IFT81: variants seen among roughly 807,000 people sequenced by gnomAD.
IFT81 encodes intraflagellar transport 81, also known as intraflagellar transport protein 81 homolog.
Under a neutral mutation model 102.6 loss-of-function variants are expected in IFT81, and 72 were observed. That is an observed-to-expected ratio of 0.70 (90% CI 0.58 to 0.85). IFT81 has a LOEUF of 0.85. IFT81 is among the 40% of genes least tolerant of loss of function. IFT81 has a pLI of 0.00. For synonymous variants in IFT81, 237 were observed against 242.7 expected (o/e 0.98, Z 0.22); for missense variants, 723 against 787.3 (o/e 0.92, Z 0.98).
chr12:110,215,861 G>A (rs1870051816), intron 18 of IFT81, among the ~76,000 whole-genome samples: 1 of 151,870 alleles, frequency 6.6e-6, no homozygotes, highest in Admixed American at 6.6e-5. Context: ...GAGTAAAACA[G>A]TTTTGGCAGG....
At chr12:110,162,648 A>G (rs549640495) in intron 10 of IFT81, among the ~76,000 whole-genome samples, 1 of 151,936 alleles carries the variant, frequency 6.6e-6, no homozygotes, top group East Asian at 1.9e-4. Flanking sequence ...TATTTTTCTT[A>G]TTAGCACATT....
intron 11 of IFT81, among the ~76,000 whole-genome samples, chr12:110,173,727 A>G (rs973653678): frequency 2.6e-5 from 4 of 152,184 alleles, no homozygotes; most frequent in African/African-American, 7.2e-5. Flanking sequence ...GATTAAGGGC[A>G]GTGCAAGATG....
Position 110,180,477 on chromosome 12 carries a change from A to C in IFT81, c.1244A>C (p.His415Pro), listed in dbSNP as rs761920048. ...RSKSTVFKKK[H>P]QIIAELKAEF... is the part of the protein sequence containing the mutation. ...AAGAGTACAGTTTTCAAAAAGAAGC[A>C]TCAGATAATAGCTGAACTTAAAGCT... Residue 415 changes from histidine (H) to proline (P), a missense_variant, in exon 12 of 19, where the codon CAT becomes CCT. Coordinates refer to ENST00000242591, the MANE Select transcript of IFT81 (RefSeq NM_014055.4). The C allele has an allele frequency of 1.2e-6, 2 of 1,610,890 alleles. No individual in the cohort carries two copies. The highest frequency in any genetic ancestry group is 1.7e-6 in the Non-Finnish European group (2 of 1,177,550).
intron 14 of IFT81, chr12:110,203,607 G>T: frequency 2.7e-6 from 1 of 373,900 alleles, no homozygotes; most frequent in Non-Finnish European, 5.0e-6. Context: ...AAGAATTTTT[G>T]GCTGTTTTAT....
At chr12:110,167,229 T>TC (rs1294201300) in intron 11 of IFT81, among the ~76,000 whole-genome samples, 4 of 152,040 alleles carry the variant, frequency 2.6e-5, no homozygotes, top group East Asian at 3.8e-4. Flanking sequence ...TGGAAGTACT[T>TC]CCCCCCCATT....
At chr12:110,184,051 G>A (rs1372956125) in intron 12 of IFT81, among the ~76,000 whole-genome samples, 5 of 152,080 alleles carry the variant, frequency 3.3e-5, no homozygotes, top group Non-Finnish European at 5.9e-5. Context: ...TGATCACTTT[G>A]CTTTAAATTA....
intron 18 of IFT81, 25 bp downstream of exon 18, chr12:110,209,241 A>T (rs1254055847): frequency 2.4e-6 from 3 of 1,248,574 alleles, no homozygotes; most frequent in Non-Finnish European, 3.5e-6. Context: ...TTATTTTTTT[A>T]AATGTGTCTA....
chr12:110,139,837 TA>T (rs1469852499), intron 8 of IFT81, among the ~76,000 whole-genome samples: 29 of 119,044 alleles, frequency 2.4e-4, no homozygotes, highest in Admixed American at 1.1e-3. Flanking sequence ...TAAAATAAAA[TA>T]AAATAAAATA....
At chr12:110,174,371 C>A (rs1896947860) in intron 11 of IFT81, among the ~76,000 whole-genome samples, 1 of 142,706 alleles carries the variant, frequency 7.0e-6, no homozygotes, top group South Asian at 2.2e-4. Context: ...CAGAGAATTG[C>A]TTGAACCTGG....
chr12:110,218,284 A>G lies in IFT81; in HGVS notation c.*58A>G. ...TACCACTAGCTATAAGCCTAATCTCATAATGTATTTCTTTTTTGAAACTGA... is the reference window on the plus strand; with the variant it reads ...TACCACTAGCTATAAGCCTAATCTCGTAATGTATTTCTTTTTTGAAACTGA... On this transcript the variant is annotated 3_prime_UTR_variant, in exon 19 of 19. Transcript: ENST00000242591. 1 of 1,234,586 alleles carries G rather than the reference A, an allele frequency of 8.1e-7. No homozygotes were observed. The highest frequency in any genetic ancestry group is 1.1e-6 in the Non-Finnish European group (1 of 918,410). The allele number at this position is 1,234,586 out of a possible 1,614,324, so 76.5% of individuals were successfully genotyped here. A position where few individuals can be genotyped will look rare whatever the true frequency, so the allele number is the denominator to read the frequency against.
intron 8 of IFT81, among the ~76,000 whole-genome samples, chr12:110,141,697 C>T (rs1894901421): frequency 6.6e-6 from 1 of 152,086 alleles, no homozygotes; most frequent in Non-Finnish European, 1.5e-5. Flanking sequence ...CTGGCCTTAA[C>T]ATGGTGAAAC....
At chr12:110,135,884 A>G (rs1894474864) in intron 7 of IFT81, among the ~76,000 whole-genome samples, 1 of 151,790 alleles carries the variant, frequency 6.6e-6, no homozygotes, top group Non-Finnish European at 1.5e-5. Context: ...AAAAAAAAAA[A>G]AGATAAATAT....
At chr12:110,159,782 A>T (rs146431368) in intron 10 of IFT81, among the ~76,000 whole-genome samples, 2 of 152,320 alleles carry the variant, frequency 1.3e-5, no homozygotes, top group African/African-American at 4.8e-5. Context: ...TTTTCTGTTC[A>T]CACTTGCTCC....
chr12:110,213,804 A>G (rs146419207), intron 18 of IFT81, among the ~76,000 whole-genome samples: 1 of 152,274 alleles, frequency 6.6e-6, no homozygotes, highest in Non-Finnish European at 1.5e-5. Flanking sequence ...ATCTATTGTG[A>G]TTATTAGTCC....
chr12:110,205,567 T>A (rs775227233), intron 16 of IFT81, 28 bp from the exon 17 acceptor site: 2 of 1,588,384 alleles, frequency 1.3e-6, no homozygotes, highest in South Asian at 2.3e-5. Context: ...ATCAAAGTCT[T>A]CCCTAAAACT....
At chr12:110,194,105 A>G (rs1012790766) in intron 14 of IFT81, among the ~76,000 whole-genome samples, 20 of 152,286 alleles carry the variant, frequency 1.3e-4, no homozygotes, top group Middle Eastern at 3.4e-3. Flanking sequence ...ACTCACTATC[A>G]TGAAAACAGC....
At chr12:110,217,479 A>G (rs189962898) in intron 18 of IFT81, among the ~76,000 whole-genome samples, 1 of 152,238 alleles carries the variant, frequency 6.6e-6, no homozygotes, top group African/African-American at 2.4e-5. Flanking sequence ...TTTTCACACC[A>G]TGATACTGTT....
At chr12:110,135,137 T>A (rs970272812) in intron 6 of IFT81, 124 bp downstream of exon 6, 35 of 801,366 alleles carry the variant, frequency 4.4e-5, no homozygotes, top group Middle Eastern at 2.3e-4. Context: ...CAAATAACAT[T>A]GACGAAAAGG....
intron 9 of IFT81, among the ~76,000 whole-genome samples, chr12:110,146,721 C>T (rs2137373871): frequency 6.6e-6 from 1 of 152,148 alleles, no homozygotes; most frequent in South Asian, 2.1e-4. Context: ...GTAATCCCAG[C>T]ACTTTGGGAG....
Sources: allele counts gnomAD v4.1 joint callset (sites outside exome capture counted in the v4.1 genomes callset), GRCh38; gene constraint gnomAD v4.1.1; transcripts MANE v1.5; gene names NCBI Gene and HGNC (gene_info 2026-07-23, HGNC 2026-07-21).